CCDC171: variants seen among roughly 807,000 people sequenced by gnomAD.
CCDC171 encodes coiled-coil domain containing 171, also known as coiled-coil domain-containing protein 171.
A neutral mutation model predicts 168.2 loss-of-function variants in CCDC171; 177 were observed. That is an observed-to-expected ratio of 1.05 (90% CI 0.93 to 1.19). The LOEUF is 1.19. Among genes scored for constraint, CCDC171 ranks in the 50% most tolerant of loss-of-function variants. CCDC171 has a pLI of 0.00. For synonymous variants in CCDC171, 687 were observed against 540.8 expected, an observed-to-expected ratio of 1.27 and a Z score of -3.75; for missense variants, 1,991 against 1,539.0, an observed-to-expected ratio of 1.29 and a Z score of -4.91.
At chr9:15,997,059 T>C (rs1188866522) in intron 3 of CCDC171, among the ~76,000 whole-genome samples, 1 of 152,086 alleles carries the variant, frequency 6.6e-6, no homozygotes, top group African/African-American at 2.4e-5. Flanking sequence ...TTAAAAGATA[T>C]TTATTGAAGA....
At position 15,634,278 on chromosome 9, in the gene CCDC171, A is replaced by G. The variant is rs1420927426; in HGVS notation, c.822+10865A>G. Among the ~76,000 whole-genome samples, 3 of 152,268 alleles carry G rather than the reference A, an allele frequency of 2.0e-5. No homozygotes were observed. The East Asian group carries it at 5.8e-4, about 29-fold the overall frequency. On this transcript the variant is annotated intron_variant, in intron 7 of 25. Coordinates refer to ENST00000380701, the MANE Select transcript of CCDC171 (RefSeq NM_173550.4). ...ATTAAAGATATAATTTGAATAATAA[A>G]AAAAGTTTCTTTGGAAAATTTTTAA...
At chr9:16,077,662 A>C in the CCDC171 span, among the ~76,000 whole-genome samples, 2 of 152,180 alleles carry the variant, frequency 1.3e-5, no homozygotes, top group Non-Finnish European at 2.9e-5. Context: ...CTCAGCCTAC[A>C]TCAGCAGCCA....
chr9:15,682,708 A>C (rs2050120733), intron 10 of CCDC171, among the ~76,000 whole-genome samples: 1 of 151,962 alleles, frequency 6.6e-6, no homozygotes, highest in Admixed American at 6.6e-5. Context: ...GTAGGTTTTC[A>C]ACATAGGACA....
At chr9:16,094,382 C>T in the CCDC171 span, among the ~76,000 whole-genome samples, 2 of 152,082 alleles carry the variant, frequency 1.3e-5, no homozygotes, top group African/African-American at 4.8e-5. Context: ...ATTTGGAAAA[C>T]CTTTATGGAG....
At chr9:16,085,685 T>C in the CCDC171 span, among the ~76,000 whole-genome samples, 18 of 152,356 alleles carry the variant, frequency 1.2e-4, no homozygotes, top group South Asian at 2.1e-4. Flanking sequence ...GGAGGTGGTA[T>C]TGATGCCAAA....
chr9:15,569,365 A>C (rs1035194581), intron 2 of CCDC171, among the ~76,000 whole-genome samples: 1 of 152,178 alleles, frequency 6.6e-6, no homozygotes, highest in Non-Finnish European at 1.5e-5. Flanking sequence ...CAATCTCATG[A>C]GATTATTGTG....
intron 6 of CCDC171, among the ~76,000 whole-genome samples, chr9:16,023,471 G>A (rs1328273): frequency 0.34 from 51,400 of 151,968 alleles, 10,857 homozygotes; most frequent in East Asian, 0.62. Flanking sequence ...GAACATTGCC[G>A]CACTGACTTA....
At chr9:15,731,250 G>T (rs1319037857) in intron 16 of CCDC171, among the ~76,000 whole-genome samples, 4 of 151,918 alleles carry the variant, frequency 2.6e-5, no homozygotes, top group Non-Finnish European at 5.9e-5. Flanking sequence ...CCTAGACTGT[G>T]GTAACTACAA....
chr9:15,921,795 A>G (rs1394839937), intron 25 of CCDC171, among the ~76,000 whole-genome samples: 1 of 151,326 alleles, frequency 6.6e-6, no homozygotes, highest in East Asian at 1.9e-4. Flanking sequence ...GAGTATTTGG[A>G]ATTTATTCTA....
At chr9:15,576,212 C>T (rs766730526) in intron 3 of CCDC171, among the ~76,000 whole-genome samples, 10 of 151,040 alleles carry the variant, frequency 6.6e-5, no homozygotes, top group Non-Finnish European at 1.0e-4. Context: ...GAGACAGGGT[C>T]TTGCTCTGTT....
intron 18 of CCDC171, among the ~76,000 whole-genome samples, chr9:15,750,677 C>T (rs935615868): frequency 2.4e-4 from 37 of 152,172 alleles, no homozygotes; most frequent in African/African-American, 8.4e-4. Context: ...ACCACAAAAA[C>T]CACATGATTA....
chr9:15,956,980 G>A (rs925265182), intron 25 of CCDC171, among the ~76,000 whole-genome samples: 4 of 150,886 alleles, frequency 2.7e-5, no homozygotes, highest in African/African-American at 9.8e-5. Context: ...TTTTCTCTCA[G>A]TAGGGCCGAA....
intron 23 of CCDC171, among the ~76,000 whole-genome samples, chr9:15,874,155 C>T (rs1165248786): frequency 1.3e-5 from 2 of 152,022 alleles, no homozygotes; most frequent in African/African-American, 4.8e-5. Context: ...CAGTTAAACA[C>T]CACATGTTAC....
the CCDC171 span, among the ~76,000 whole-genome samples, chr9:16,074,125 CTTTA>C: frequency 6.6e-6 from 1 of 152,106 alleles, no homozygotes. Context: ...CAATCAATCC[CTTTA>C]TTTTAGCCCC....
At position 15,972,015 on chromosome 9, in the gene CCDC171, T is replaced by G; in HGVS notation, c.*179T>G. The G allele has an allele frequency of 1.9e-6, 1 of 529,904 alleles. No individual in the cohort carries two copies. The highest frequency in any genetic ancestry group is 3.0e-5 in the East Asian group (1 of 33,630). 32.8% of individuals were successfully genotyped at this position (529,904 alleles called of 1,614,324 possible). On this transcript the variant is annotated 3_prime_UTR_variant, in exon 26 of 26. Coordinates refer to ENST00000380701, the MANE Select transcript of CCDC171 (RefSeq NM_173550.4). ...TCCTTGAATAAGGAAATAGCCAACTTTTTTCTCTCCAAGTTTTATTTGTTA... is the reference window on the plus strand; with the variant it reads ...TCCTTGAATAAGGAAATAGCCAACTGTTTTCTCTCCAAGTTTTATTTGTTA...
intron 7 of CCDC171, among the ~76,000 whole-genome samples, chr9:15,644,268 C>T: frequency 6.6e-6 from 1 of 152,062 alleles, no homozygotes; most frequent in African/African-American, 2.4e-5. Context: ...GGTTTTGGTC[C>T]AAGATGGCCG....
At chr9:15,981,646 T>C (rs1339325856) in intron 3 of CCDC171, among the ~76,000 whole-genome samples, 1 of 152,202 alleles carries the variant, frequency 6.6e-6, no homozygotes, top group Non-Finnish European at 1.5e-5. Context: ...CTTTTGTGGT[T>C]AGAAGTACGC....
chr9:15,584,147 G>A (rs558313104), intron 4 of CCDC171, among the ~76,000 whole-genome samples: 1 of 152,340 alleles, frequency 6.6e-6, no homozygotes, highest in South Asian at 2.1e-4. Context: ...GATTACAGGC[G>A]TGAGCCACCG....
Position 15,865,849 on chromosome 9 carries a change from C to CGTGTGTGT in CCDC171, c.3469-8662_3469-8655dup, listed in dbSNP as rs71325944. Among the ~76,000 whole-genome samples, 267 of 147,566 alleles carry CGTGTGTGT rather than the reference C, an allele frequency of 1.8e-3. 5 individuals carry two copies. The highest frequency in any genetic ancestry group is 6.1e-3 in the African/African-American group (246 of 40,142). On this transcript the variant is annotated intron_variant, in intron 23 of 25. Transcript: ENST00000380701. ...GTTGTTCAAAGTTCAACTCTGCGTG[C>CGTGTGTGT]GTGTGTGTGTGTGTGTGTGTGTGTG...
Sources: gnomAD v4.1 joint callset for allele counts (sites outside exome capture counted in the v4.1 genomes callset) on GRCh38, gnomAD v4.1.1 for gene constraint, MANE v1.5 for transcripts, NCBI Gene and HGNC (gene_info 2026-07-23, HGNC 2026-07-21) for gene names.